Variants in UNC13D observed in about 807,000 individuals in gnomAD.
UNC13D encodes unc-13 homolog D.
UNC13D carries 115 observed loss-of-function variants against 151.7 expected under a neutral mutation model. The ratio of observed to expected loss-of-function variants is 0.76; its 90% CI spans 0.65 to 0.88. The LOEUF is 0.88. UNC13D is among the 40% of genes least tolerant of loss of function. UNC13D has a pLI of 0.00. For synonymous variants in UNC13D, 588 were observed against 612.2 expected (o/e 0.96, Z 0.58); for missense variants, 1,369 against 1,438.7 (o/e 0.95, Z 0.78).
chr17:75,828,172 C>A, intron 31 of UNC13D, 86 bp from the exon 32 acceptor site: 1 of 1,499,876 alleles, frequency 6.7e-7, no homozygotes, highest in Non-Finnish European at 9.0e-7. Context: ...GGGGGGTACA[C>A]AACACTGCTC....
intron 6 of UNC13D, 23 bp from the exon 7 acceptor site, chr17:75,841,024 T>C (rs759121693): frequency 5.6e-6 from 9 of 1,613,778 alleles, no homozygotes; most frequent in African/African-American, 2.7e-5. Context: ...AAGGGCGTGG[T>C]TGAGGGCCCT....
chr17:75,841,913 TA>T (rs1422517265), intron 6 of UNC13D, among the ~76,000 whole-genome samples: 4 of 150,808 alleles, frequency 2.7e-5, no homozygotes, highest in Non-Finnish European at 4.4e-5. Context: ...CACGCCCGGC[TA>T]ATTTTTTGTA....
At chr17:75,828,257 G>A (rs921318854) in intron 31 of UNC13D, among the ~76,000 whole-genome samples, 171 bp from the exon 32 acceptor site, 4 of 152,224 alleles carry the variant, frequency 2.6e-5, no homozygotes, top group South Asian at 2.1e-4. Context: ...TCTGACAGAC[G>A]CATCCGGTCG....
rs755145802 is a variant in UNC13D at position 75,835,919 on chromosome 17, C to T, written c.1545-13G>A. The stretch of plus-strand genomic sequence containing the variant: ...GATCTTGAGGGTACTGGAGGAAAGG[C>T]AGCAGGTGTCACCCAGTGGCATACA... On this transcript the variant is annotated splice_polypyrimidine_tract_variant and intron_variant, in intron 17 of 31. Coordinates refer to ENST00000207549, the MANE Select transcript of UNC13D (RefSeq NM_199242.3). The T allele has an allele frequency of 1.2e-6, 2 of 1,614,070 alleles. No individual in the cohort carries two copies. The highest frequency in any genetic ancestry group is 1.7e-6 in the Non-Finnish European group (2 of 1,180,038).
Position 75,840,593 on chromosome 17 carries a change from C to A in UNC13D, c.684-17G>T. On this transcript the variant is annotated splice_polypyrimidine_tract_variant and intron_variant, in intron 8 of 31. Transcript: ENST00000207549. This position sits in a 1 kb window ranked among gnomAD's most constrained non-coding sequence, Gnocchi z 4.6. ...TTAAAGATCCTGCGTCAGGCAGGGTCCCATAAGGGGGACGCAGCAAGGGTC... is the reference window on the plus strand; with the variant it reads ...TTAAAGATCCTGCGTCAGGCAGGGTACCATAAGGGGGACGCAGCAAGGGTC... 5 of 1,613,984 alleles carry A rather than the reference C, an allele frequency of 3.1e-6. No individual in the cohort carries two copies. The highest frequency in any genetic ancestry group is 3.3e-4 in the Middle Eastern group (2 of 6,062).
chr17:75,828,661 G>T, intron 31 of UNC13D, 126 bp downstream of exon 31: 1 of 1,079,984 alleles, frequency 9.3e-7, no homozygotes, highest in Non-Finnish European at 1.3e-6. Context: ...GATGGGCCGT[G>T]GCTGTCCCAC....
At chr17:75,830,310 A>AG in intron 29 of UNC13D, 52 bp downstream of exon 29, 1 of 1,581,270 alleles carries the variant, frequency 6.3e-7, no homozygotes, top group Non-Finnish European at 8.6e-7. Context: ...TCGCTGAGAC[A>AG]GGAGGGCCAG....
intron 12 of UNC13D, 31 bp from the exon 13 acceptor site, chr17:75,836,949 A>G: frequency 1.2e-6 from 2 of 1,607,602 alleles, no homozygotes; most frequent in Non-Finnish European, 1.7e-6. Flanking sequence ...TCAGCTGGAC[A>G]GGGAGGAGGA....
At chr17:75,839,344 T>C (rs2064931638) in intron 12 of UNC13D, among the ~76,000 whole-genome samples, 2 of 148,236 alleles carry the variant, frequency 1.3e-5, no homozygotes, top group Non-Finnish European at 3.0e-5. Flanking sequence ...AGAGGTTGCA[T>C]GCAGTGAGTC....
chr17:75,833,082 C>T lies in UNC13D; in HGVS notation c.2368-37G>A. The T allele has an allele frequency of 1.3e-6, 2 of 1,567,832 alleles. No individual in the cohort carries two copies. The highest frequency in any genetic ancestry group is 2.3e-5 in the South Asian group (2 of 85,796). ...GATGGGGAGCAGGTGTGGCTCCGGCCCATGTTGGCCCCACCCCCATCCCCT... is the reference window on the plus strand; with the variant it reads ...GATGGGGAGCAGGTGTGGCTCCGGCTCATGTTGGCCCCACCCCCATCCCCT... On this transcript the variant is annotated intron_variant, in intron 24 of 31. Transcript: ENST00000207549. This position sits in a 1 kb window ranked among gnomAD's most constrained non-coding sequence, Gnocchi z 4.0.
In UNC13D at chr17:75,827,747, G is replaced by C. The variant is rs1312510421; in HGVS notation, c.*218C>G. On this transcript the variant is annotated 3_prime_UTR_variant, in exon 32 of 32. Transcript: ENST00000207549. ...GGATGTGGTAGAGACATTGCAGCCA[G>C]GGCTGGAGGCAGGGAGGCGGGAGTA... 2 of 1,489,650 alleles carry C rather than the reference G, an allele frequency of 1.3e-6. No homozygotes were observed. Among genetic ancestry groups the C allele is most frequent in the Non-Finnish European group, 1.8e-6 (2 of 1,118,822 alleles). The allele number at this position is 1,489,650 out of a possible 1,614,324, so 92.3% of individuals were successfully genotyped here.
rs2064944546 is a variant in UNC13D at position 75,840,978 on chromosome 17, G to A, written c.593C>T (p.Ala198Val). 6.2e-6 allele frequency: 10 copies of A among 1,613,848 alleles called. No homozygotes were observed. The highest frequency in any genetic ancestry group is 4.0e-5 in the African/African-American group (3 of 74,844). Residue 198 changes from alanine to valine, a missense_variant, in exon 7 of 32, where the codon GCG becomes GTG. This residue lies in a region of UNC13D where 550 missense variants were observed against 609.0 expected (regional missense o/e 0.90). Coordinates refer to ENST00000207549, the MANE Select transcript of UNC13D (RefSeq NM_199242.3). This position sits in a 1 kb window ranked among gnomAD's most constrained non-coding sequence, Gnocchi z 4.6. The stretch of plus-strand genomic sequence containing the variant: ...TCACCACATGTCCAGATGAAAGCTC[G>A]CATTGGTGATGTCCTCAAACTCCCT... ...FILEFEDITN[A>V]SFHLDMWDLD...
In UNC13D at chr17:75,833,956, G is replaced by T; in HGVS notation, c.2367+119C>A. The T allele has an allele frequency of 7.7e-7, 1 of 1,306,686 alleles. No individual in the cohort carries two copies. Among genetic ancestry groups the T allele is most frequent in the Non-Finnish European group, 1.1e-6 (1 of 914,668 alleles). 80.9% of individuals were successfully genotyped at this position (1,306,686 alleles called of 1,614,324 possible). On this transcript the variant is annotated intron_variant, in intron 24 of 31. Transcript: ENST00000207549. This position sits in a 1 kb window ranked among gnomAD's most constrained non-coding sequence, Gnocchi z 4.0. ...CATCCCAGGAGGAAACTGAGGCCCA[G>T]GGAGAGAACATGCTTTGCCTGGTCT...
intron 20 of UNC13D, 81 bp from the exon 21 acceptor site, chr17:75,835,144 C>G (rs1310941674): frequency 2.7e-5 from 42 of 1,578,862 alleles, no homozygotes; most frequent in Non-Finnish European, 3.3e-5. Flanking sequence ...CAGCTACCAT[C>G]ACCAGGCACA....
intron 1 of UNC13D, chr17:75,843,991 G>T (rs2064968231): frequency 7.1e-7 from 1 of 1,417,442 alleles, no homozygotes; most frequent in Non-Finnish European, 9.2e-7. Context: ...GGGAGGGAGG[G>T]GTTCTGAGAG....
intron 6 of UNC13D, 78 bp from the exon 7 acceptor site, chr17:75,841,079 A>G: frequency 6.5e-7 from 1 of 1,545,240 alleles, no homozygotes; most frequent in South Asian, 1.1e-5. Flanking sequence ...ACCACAGCCC[A>G]GAGCCATGGA....
In UNC13D at chr17:75,830,631, C is replaced by A; in HGVS notation, c.2656G>T (p.Ala886Ser). ...TTCCGGATGAGTTCCCGGCTGGAGG[C>A]CGCCTGCAGCTCCAGGTCCCTCTGC... ...ALQRDLELQAASSRELIRKYF... is the reference protein window; with the variant it reads ...ALQRDLELQASSSRELIRKYF... The change falls in exon 28 of 32, where the codon GCC (alanine) becomes TCC (serine). Residue 886 changes from alanine (A) to serine (S), a missense_variant. By Grantham distance (99) the Ala-to-Ser change is moderately conservative (BLOSUM62 1). This residue lies in a region of UNC13D where 807 missense variants were observed against 795.5 expected (regional missense o/e 1.01). Coordinates refer to ENST00000207549, the MANE Select transcript of UNC13D (RefSeq NM_199242.3). The A allele has an allele frequency of 6.4e-7, 1 of 1,555,954 alleles. No individual in the cohort carries two copies. The highest frequency in any genetic ancestry group is 8.7e-7 in the Non-Finnish European group (1 of 1,150,118).
Position 75,831,167 on chromosome 17 carries a change from G to T in UNC13D, c.2556C>A (p.Asn852Lys). The T allele has an allele frequency of 1.2e-6, 2 of 1,614,124 alleles. No individual in the cohort carries two copies. Among genetic ancestry groups the T allele is most frequent in the Non-Finnish European group, 1.7e-6 (2 of 1,180,048 alleles). The change falls in exon 27 of 32, where the codon AAC (asparagine) becomes AAA (lysine). Residue 852 changes from asparagine (N) to lysine (K), a missense_variant and splice_region_variant. This residue lies in a region of UNC13D where 807 missense variants were observed against 795.5 expected (regional missense o/e 1.01). Coordinates refer to ENST00000207549, the MANE Select transcript of UNC13D (RefSeq NM_199242.3). ...CCTCAGCGTGGAAGCAGATCTCCAG[G>T]TTCTGGGGGAGATATCAGAGGTGAC... is the stretch of plus-strand genomic sequence containing the variant. ...ASNRLKIALQ[N>K]LEICFHAEGC...
At position 75,836,006 on chromosome 17, in the gene UNC13D, G is replaced by T. The variant is rs773025071; in HGVS notation, c.1544+6C>A. On this transcript the variant is annotated splice_donor_region_variant and intron_variant, in intron 17 of 31. Transcript: ENST00000207549. ...CCACTACCTCCCGACCTGGCTATCT[G>T]CTCACTTGTGGAAGATCTTGTCCCA... 6.2e-7 allele frequency: 1 copy of T among 1,614,120 alleles called. No homozygotes were observed. Among genetic ancestry groups the T allele is most frequent in the South Asian group, 1.1e-5 (1 of 91,090 alleles).
Sources: allele counts gnomAD v4.1 joint callset (sites outside exome capture counted in the v4.1 genomes callset), GRCh38; gene constraint gnomAD v4.1.1; regional missense constraint gnomAD v4.1.1; non-coding constraint Gnocchi (gnomAD v3.1); transcripts MANE v1.5; gene names NCBI Gene and HGNC (gene_info 2026-07-23, HGNC 2026-07-21).